E2F8: variants seen among roughly 807,000 people sequenced by gnomAD.
E2F8 encodes transcription factor E2F8.
Under a neutral mutation model 80.8 loss-of-function variants are expected in E2F8, and 35 were observed. The observed-to-expected ratio is 0.43, with a 90% CI of 0.33 to 0.57. The LOEUF (loss-of-function observed/expected upper bound fraction) is 0.57, where lower values mean the gene tolerates loss of function less well. Ranked by LOEUF, E2F8 falls within the 20% of genes least tolerant of loss-of-function variation. The probability of loss-of-function intolerance (pLI) is 0.04; values close to 1 mark genes in which losing one functional copy is unlikely to be tolerated. For missense variants in E2F8, 975 were observed against 1,056.2 expected (o/e 0.92, Z 1.07); for synonymous variants, 386 against 395.0 (o/e 0.98, Z 0.27).
chr11:19,234,680 G>A (rs1346100672), intron 5 of E2F8, 64 bp downstream of exon 5: 16 of 1,550,530 alleles, frequency 1.0e-5, no homozygotes, highest in Non-Finnish European at 1.4e-5. Context: ...GTTCTCCACA[G>A]AACCTTTTCC....
chr11:19,237,262 C>A (rs1201722786), intron 4 of E2F8, 52 bp downstream of exon 4: 1 of 1,583,566 alleles, frequency 6.3e-7, no homozygotes, highest in Non-Finnish European at 8.7e-7. Flanking sequence ...GAGTTAAGTC[C>A]ATAAAGCCAC....
At chr11:19,236,672 T>A (rs1234069512) in intron 4 of E2F8, among the ~76,000 whole-genome samples, 7 of 152,128 alleles carry the variant, frequency 4.6e-5, no homozygotes, top group Non-Finnish European at 7.3e-5. Context: ...CTTCACGGGG[T>A]GATTGCTTTG....
chr11:19,224,524 T>C lies in E2F8; in HGVS notation c.*134A>G. On this transcript the variant is annotated 3_prime_UTR_variant, in exon 13 of 13. Coordinates refer to ENST00000250024, the MANE Select transcript of E2F8 (RefSeq NM_024680.4). The stretch of plus-strand genomic sequence containing the variant: ...ATATATATATATGTATGAAAACAAC[T>C]ATCTGATTTCACATTGAACAAATCC... The C allele has an allele frequency of 1.4e-6, 1 of 736,756 alleles. No individual in the cohort carries two copies. The highest frequency in any genetic ancestry group is 2.2e-6 in the Non-Finnish European group (1 of 460,314). The allele number at this position is 736,756 out of a possible 1,614,324, so 45.6% of individuals were successfully genotyped here.
At position 19,230,840 on chromosome 11, in the gene E2F8, A is replaced by G; in HGVS notation, c.1067-6T>C. 1 of 1,613,844 alleles carries G rather than the reference A, an allele frequency of 6.2e-7. No individual in the cohort carries two copies. Among genetic ancestry groups the G allele is most frequent in the Non-Finnish European group, 8.5e-7 (1 of 1,179,826 alleles). ...ATGAATGACTGGGCTGGAGCCTGAA[A>G]CAGAAAACGTCTGTGTATTAAAACC... On this transcript the variant is annotated splice_polypyrimidine_tract_variant and splice_region_variant and intron_variant, in intron 7 of 12. Coordinates refer to ENST00000250024, the MANE Select transcript of E2F8 (RefSeq NM_024680.4).
chr11:19,234,588 A>G, intron 5 of E2F8, 67 bp from the exon 6 acceptor site: 3 of 1,583,658 alleles, frequency 1.9e-6, no homozygotes, highest in African/African-American at 2.7e-5. Flanking sequence ...TAAAGTAACA[A>G]GGCTAAAAAT....
Position 19,230,823 on chromosome 11 carries a change from C to G in E2F8, c.1078G>C (p.Val360Leu). 6.2e-7 allele frequency: 1 copy of G among 1,614,084 alleles called. No individual in the cohort carries two copies. The highest frequency in any genetic ancestry group is 8.5e-7 in the Non-Finnish European group (1 of 1,179,974). ...AAATCAGAGGGAGTAAAATGAATGA[C>G]TGGGCTGGAGCCTGAAACAGAAAAC... ...ISPNTSGSSP[V>L]IHFTPSDLEV... Residue 360 changes from valine (V) to leucine (L), a missense_variant, in exon 8 of 13, where the codon GTC becomes CTC. By Grantham distance (32) the Val-to-Leu change is conservative (BLOSUM62 1). Transcript: ENST00000250024.
At chr11:19,235,492 C>CA (rs1227985876) in intron 4 of E2F8, among the ~76,000 whole-genome samples, 4 of 152,116 alleles carry the variant, frequency 2.6e-5, no homozygotes, top group African/African-American at 7.2e-5. Flanking sequence ...ACTAAAAATA[C>CA]AAAAAAATTA....
chr11:19,237,287 C>T (rs763455155), intron 4 of E2F8, 27 bp downstream of exon 4: 6 of 1,611,740 alleles, frequency 3.7e-6, no homozygotes, highest in Non-Finnish European at 5.1e-6. Flanking sequence ...ATTATTAATT[C>T]TTTCAGTGAG....
Position 19,234,440 on chromosome 11 carries a change from T to C in E2F8, c.848A>G (p.Gln283Arg). The C allele has an allele frequency of 6.2e-7, 1 of 1,614,228 alleles. No homozygotes were observed. Among genetic ancestry groups the C allele is most frequent in the Non-Finnish European group, 8.5e-7 (1 of 1,180,036 alleles). ...GGCAGCAACTTCTAGGCTTACTATC[T>C]GAGGCGTTGACACCAAAAACAGCAT... ...FVMLFLVSTPQIVSLEVAAKI... is the reference protein window; with the variant it reads ...FVMLFLVSTPRIVSLEVAAKI... Residue 283 changes from glutamine (Q) to arginine (R), a missense_variant, in exon 6 of 13, where the codon CAG becomes CGG. Coordinates refer to ENST00000250024, the MANE Select transcript of E2F8 (RefSeq NM_024680.4).
chr11:19,230,569 C>T (rs1040177542), intron 8 of E2F8, 62 bp downstream of exon 8: 12 of 1,560,078 alleles, frequency 7.7e-6, no homozygotes, highest in Middle Eastern at 2.1e-4. Flanking sequence ...ATCAAGTAAG[C>T]TGAAAAAATG....
chr11:19,226,893 C>T (rs1029502608), intron 10 of E2F8, among the ~76,000 whole-genome samples: 5 of 152,142 alleles, frequency 3.3e-5, no homozygotes, highest in African/African-American at 4.8e-5. Context: ...ATATTAGAGA[C>T]GCACATGCCA....
intron 4 of E2F8, among the ~76,000 whole-genome samples, chr11:19,235,740 C>G (rs1851503062): frequency 6.6e-6 from 1 of 152,104 alleles, no homozygotes; most frequent in Admixed American, 6.5e-5. Flanking sequence ...TAGCAAGTAG[C>G]AAACCAAGTC....
intron 4 of E2F8, among the ~76,000 whole-genome samples, chr11:19,236,864 A>G (rs1447857887): frequency 2.0e-5 from 3 of 152,260 alleles, no homozygotes; most frequent in African/African-American, 7.2e-5. Flanking sequence ...AAACATTCAG[A>G]AAACTAGTCC....
intron 2 of E2F8, among the ~76,000 whole-genome samples, chr11:19,238,618 G>A (rs7107822): frequency 0.43 from 65,853 of 152,102 alleles, 15,661 homozygotes; most frequent in Admixed American, 0.54. Flanking sequence ...CATAATGGCT[G>A]CATGCAGTGG....
In E2F8 at chr11:19,229,378, A is replaced by G; in HGVS notation, c.1893+76T>C. The G allele has an allele frequency of 6.6e-7, 1 of 1,522,074 alleles. No homozygotes were observed. The highest frequency in any genetic ancestry group is 8.8e-7 in the Non-Finnish European group (1 of 1,136,332). 94.3% of individuals were successfully genotyped at this position (1,522,074 alleles called of 1,614,324 possible). ...CTTCTGAGAGAATGCTCTTCGGTAAATTTCACAAGCCACCAATCTTCCTGT... is the reference window on the plus strand; with the variant it reads ...CTTCTGAGAGAATGCTCTTCGGTAAGTTTCACAAGCCACCAATCTTCCTGT... On this transcript the variant is annotated intron_variant, in intron 10 of 12. Transcript: ENST00000250024. This position sits in a 1 kb window ranked among gnomAD's most constrained non-coding sequence, Gnocchi z 4.3.
intron 6 of E2F8, among the ~76,000 whole-genome samples, chr11:19,233,574 G>A (rs1173125885): frequency 4.6e-5 from 7 of 151,808 alleles, no homozygotes; most frequent in Admixed American, 3.3e-4. Flanking sequence ...TGCAAGCGCC[G>A]CCTCCCAGGT....
At chr11:19,233,001 G>A (rs1003795645) in intron 6 of E2F8, among the ~76,000 whole-genome samples, 2 of 152,132 alleles carry the variant, frequency 1.3e-5, no homozygotes, top group African/African-American at 4.8e-5. Context: ...CATATCAGAA[G>A]GTTCTGAATT....
Position 19,224,564 on chromosome 11 carries a change from G to T in E2F8, c.*94C>A. On this transcript the variant is annotated 3_prime_UTR_variant, in exon 13 of 13. Coordinates refer to ENST00000250024, the MANE Select transcript of E2F8 (RefSeq NM_024680.4). Reference sequence around the variant, plus strand: ...TGAACAAATCCCCAACGTATTTACAGTATTTTCAGAGAATGTGTTCTCCAA... The same window carrying T: ...TGAACAAATCCCCAACGTATTTACATTATTTTCAGAGAATGTGTTCTCCAA... The T allele has an allele frequency of 1.5e-6, 2 of 1,319,178 alleles. No homozygotes were observed. Among genetic ancestry groups the T allele is most frequent in the Non-Finnish European group, 1.0e-6 (1 of 954,466 alleles). 81.7% of individuals were successfully genotyped at this position (1,319,178 alleles called of 1,614,324 possible).
Position 19,229,631 on chromosome 11 carries a change from C to T in E2F8, c.1716G>A (p.Lys572=), listed in dbSNP as rs770024036. 1.9e-6 allele frequency: 3 copies of T among 1,614,072 alleles called. No homozygotes were observed. Among genetic ancestry groups the T allele is most frequent in the Non-Finnish European group, 2.5e-6 (3 of 1,180,054 alleles). ...TTCCAGGCCTGGTAGAGGCACTGGCCTTTGAGGTATCATTGGCTGCCTTCT... is the reference window on the plus strand; with the variant it reads ...TTCCAGGCCTGGTAGAGGCACTGGCTTTTGAGGTATCATTGGCTGCCTTCT... ...TTEKAANDTS[K]ASASTRPGSL... The change falls in exon 10 of 13, where the codon AAG becomes AAA. Residue 572 remains lysine (K), a synonymous_variant. Coordinates refer to ENST00000250024, the MANE Select transcript of E2F8 (RefSeq NM_024680.4). This position sits in a 1 kb window ranked among gnomAD's most constrained non-coding sequence, Gnocchi z 4.3.
Sources: gnomAD v4.1 joint callset for allele counts (sites outside exome capture counted in the v4.1 genomes callset) on GRCh38, gnomAD v4.1.1 for gene constraint, Gnocchi (gnomAD v3.1) non-coding constraint, MANE v1.5 for transcripts, NCBI Gene and HGNC (gene_info 2026-07-23, HGNC 2026-07-21) for gene names.